SPTA1: variants seen among roughly 807,000 people sequenced by gnomAD.
SPTA1 encodes spectrin alpha chain, erythrocytic 1.
A neutral mutation model predicts 324.7 loss-of-function variants in SPTA1; 177 were observed. The observed-to-expected ratio is 0.55, with a 90% confidence interval of 0.48 to 0.62. The LOEUF is 0.62. SPTA1 is among the 20% of genes least tolerant of loss of function. The pLI is 0.00. For missense variants in SPTA1, 3,162 were observed against 2,883.6 expected (o/e 1.10, Z -2.21); for synonymous variants, 1,195 against 1,041.3 (o/e 1.15, Z -2.84).
intron 10 of SPTA1, 97 bp from the exon 11 acceptor site, chr1:158,672,293 CA>C: frequency 1.5e-6 from 2 of 1,302,556 alleles, no homozygotes; most frequent in Non-Finnish European, 2.1e-6. Flanking sequence ...TTTAAGGATA[CA>C]AAAATAAACA....
chr1:158,653,226 A>G, intron 22 of SPTA1, 48 bp downstream of exon 22: 1 of 1,613,736 alleles, frequency 6.2e-7, no homozygotes, highest in Non-Finnish European at 8.5e-7. Flanking sequence ...CCTTTGGCGA[A>G]AAATGTCTGA....
In SPTA1 at chr1:158,651,478, AAAATTCATCCAAAGCAGTGT is replaced by A. The variant is rs770265296; in HGVS notation, c.3376-30_3376-11del. ...CATTGGTATTCAAATCCTGAATGGG[AAAATTCATCCAAAGCAGTGT>A]AAATTCATCCAAAGCAGTGTAAATC... On this transcript the variant is annotated splice_polypyrimidine_tract_variant and intron_variant, in intron 23 of 51. Transcript: ENST00000643759. The A allele has an allele frequency of 3.6e-5, 57 of 1,573,028 alleles. No individual in the cohort carries two copies. In the South Asian group the frequency reaches 3.9e-4, roughly 11 times the overall value.
chr1:158,613,572 A>T (rs1649381822), intron 50 of SPTA1, 149 bp downstream of exon 50: 1 of 1,103,928 alleles, frequency 9.1e-7, no homozygotes, highest in Non-Finnish European at 1.3e-6. Context: ...TTGAAAGGGC[A>T]CCAAGAGCTG....
chr1:158,661,193 T>C (rs1653180026), intron 18 of SPTA1, 94 bp downstream of exon 18: 1 of 1,594,248 alleles, frequency 6.3e-7, no homozygotes, highest in Non-Finnish European at 8.6e-7. Context: ...GTCAGATATT[T>C]TTAAATTCCC....
At position 158,667,902 on chromosome 1, in the gene SPTA1, A is replaced by T; in HGVS notation, c.1994T>A (p.Val665Asp). The part of the protein sequence containing the change: ...SDNVTTRLSE[V>D]ASLWEELLEA... ...CAGCAACTCCTCCCAGAGGCTGGCAACTTCACTCAGACGAGTGGTCACATT... is the reference window on the plus strand; with the variant it reads ...CAGCAACTCCTCCCAGAGGCTGGCATCTTCACTCAGACGAGTGGTCACATT... Residue 665 changes from valine to aspartate, a missense_variant, in exon 15 of 52, where the codon GTT becomes GAT. Val to Asp is a radical substitution (Grantham distance 152). Transcript: ENST00000643759. 6.2e-7 allele frequency: 1 copy of T among 1,614,024 alleles called. No individual in the cohort carries two copies. The highest frequency in any genetic ancestry group is 8.5e-7 in the Non-Finnish European group (1 of 1,179,972).
rs80164405 is a variant in SPTA1 at position 158,628,634 on chromosome 1, C to G, written c.5566-911G>C. Among the ~76,000 whole-genome samples the G allele has an allele frequency of 8.5e-3, 1,296 of 152,112 alleles. 14 individuals carry two copies. Among genetic ancestry groups the G allele is most frequent in the African/African-American group, 0.03 (1,234 of 41,506 alleles). ...TGGAAAGGTGATTGACTTTGTATGACTGAAAGCCTGAATGAATCATATTTT... is the reference window on the plus strand; with the variant it reads ...TGGAAAGGTGATTGACTTTGTATGAGTGAAAGCCTGAATGAATCATATTTT... On this transcript the variant is annotated intron_variant, in intron 39 of 51. Coordinates refer to ENST00000643759, the MANE Select transcript of SPTA1 (RefSeq NM_003126.4).
chr1:158,651,994 T>C (rs897317686), intron 23 of SPTA1, among the ~76,000 whole-genome samples: 4 of 151,868 alleles, frequency 2.6e-5, no homozygotes, highest in Non-Finnish European at 5.9e-5. Context: ...GTACACTCAC[T>C]GCTAGTTAAG....
At chr1:158,616,151 G>A (rs1284854821) in intron 47 of SPTA1, among the ~76,000 whole-genome samples, 1 of 151,914 alleles carries the variant, frequency 6.6e-6, no homozygotes, top group Non-Finnish European at 1.5e-5. Context: ...ATACTTCAGG[G>A]TATACAAGAC....
In SPTA1 at chr1:158,611,206, C is replaced by A; in HGVS notation, c.*58G>T. The A allele has an allele frequency of 6.3e-7, 1 of 1,598,600 alleles. No homozygotes were observed. Among genetic ancestry groups the A allele is most frequent in the Non-Finnish European group, 8.6e-7 (1 of 1,169,508 alleles). On this transcript the variant is annotated 3_prime_UTR_variant, in exon 52 of 52. Transcript: ENST00000643759. ...CTTCCACATTTGCCTGTACTCTTTG[C>A]CCCCCAGTAAATTTCCCACGACACT... is the stretch of plus-strand genomic sequence containing the variant.
At position 158,669,690 on chromosome 1, in the gene SPTA1, T is replaced by C. The variant is rs1351922097; in HGVS notation, c.1677+19A>G. On this transcript the variant is annotated intron_variant, in intron 13 of 51. Transcript: ENST00000643759. ...TTCTAGTGTGTAGGCACACAGAAGC[T>C]CTAGGCCCTTGGACATACCCCGTCA... The C allele has an allele frequency of 6.2e-7, 1 of 1,614,090 alleles. No individual in the cohort carries two copies. The highest frequency in any genetic ancestry group is 1.7e-5 in the Admixed American group (1 of 60,020).
intron 48 of SPTA1, chr1:158,614,556 A>G (rs1649445464): frequency 4.7e-6 from 2 of 425,584 alleles, no homozygotes; most frequent in Non-Finnish European, 8.3e-6. Context: ...TTTTTGAAAC[A>G]TGAAAATTAC....
rs1403001681 is a variant in SPTA1, at chr1:158,645,504, C to G, written c.3987G>C (p.Glu1329Asp). The change falls in exon 28 of 52, where the codon GAG becomes GAC. Residue 1329 changes from glutamate (E) to aspartate (D), a missense_variant. By Grantham distance (45) the Glu-to-Asp change is conservative. Transcript: ENST00000643759. Reference sequence around the variant, plus strand: ...ACTTTTGTAGTTTTACCTGATGTCTCTCCAGCAAGATCTCTATGCCAGTTA... The same window carrying G: ...ACTTTTGTAGTTTTACCTGATGTCTGTCCAGCAAGATCTCTATGCCAGTTA... ...EDLTGIEILLERHQEHRADME... is the reference protein window; with the variant it reads ...EDLTGIEILLDRHQEHRADME... The G allele has an allele frequency of 6.2e-7, 1 of 1,613,880 alleles. No homozygotes were observed. The highest frequency in any genetic ancestry group is 8.5e-7 in the Non-Finnish European group (1 of 1,179,942).
chr1:158,658,259 T>A (rs2101880687), intron 18 of SPTA1, among the ~76,000 whole-genome samples: 1 of 152,246 alleles, frequency 6.6e-6, no homozygotes, highest in African/African-American at 2.4e-5. Context: ...TCACACTGAA[T>A]TGAGGACACA....
In SPTA1 at chr1:158,621,248, AT is replaced by A. The variant is rs571075501; in HGVS notation, c.6121-783del. On this transcript the variant is annotated intron_variant, in intron 43 of 51. Coordinates refer to ENST00000643759, the MANE Select transcript of SPTA1 (RefSeq NM_003126.4). ...CTTTTATACTTAAAATACATTACAG[AT>A]TTTGGGTCAGCAGATAGTACTTCTA... is the stretch of plus-strand genomic sequence containing the variant. 2.3e-3 allele frequency among the ~76,000 whole-genome samples: 346 copies of A among 152,318 alleles called. 1 individual carries two copies. Among genetic ancestry groups the A allele is most frequent in the African/African-American group, 8.0e-3 (333 of 41,562 alleles).
chr1:158,615,172 C>G, intron 48 of SPTA1, 44 bp downstream of exon 48: 1 of 1,610,778 alleles, frequency 6.2e-7, no homozygotes, highest in Non-Finnish European at 8.5e-7. Context: ...TAACACCTAA[C>G]ACCACCTGCA....
At chr1:158,624,084 A>G (rs1001207559) in intron 42 of SPTA1, among the ~76,000 whole-genome samples, 1 of 151,002 alleles carries the variant, frequency 6.6e-6, no homozygotes, top group Non-Finnish European at 1.5e-5. Context: ...GGAGCTTTGT[A>G]GATTTCAGAG....
In SPTA1 at chr1:158,661,415, G is replaced by A. The variant is rs374279591; in HGVS notation, c.2465-6C>T. On this transcript the variant is annotated splice_region_variant and splice_polypyrimidine_tract_variant and intron_variant, in intron 17 of 51. Transcript: ENST00000643759. Reference sequence around the variant, plus strand: ...GGAAGCAATCAGGTCCTTTCCTGCAGAGGAAAGGAATTTCAAAGTTTCGGA... The same window carrying A: ...GGAAGCAATCAGGTCCTTTCCTGCAAAGGAAAGGAATTTCAAAGTTTCGGA... 2.2e-5 allele frequency: 35 copies of A among 1,613,788 alleles called. No homozygotes were observed. In the Middle Eastern group the frequency reaches 5.0e-4, roughly 23 times the overall value.
At chr1:158,614,496 C>G (rs1649442128) in intron 48 of SPTA1, 190 bp from the exon 49 acceptor site, 1 of 521,496 alleles carries the variant, frequency 1.9e-6, no homozygotes, top group African/African-American at 1.9e-5. Flanking sequence ...GTCCATGAGC[C>G]AAGAGTAGAT....
At chr1:158,632,217 T>C (rs1470588083) in intron 39 of SPTA1, among the ~76,000 whole-genome samples, 1 of 152,184 alleles carries the variant, frequency 6.6e-6, no homozygotes, top group Non-Finnish European at 1.5e-5. Context: ...GCTACATGAT[T>C]CCACCTATAT....
Sources: allele counts gnomAD v4.1 joint callset (sites outside exome capture counted in the v4.1 genomes callset), GRCh38; gene constraint gnomAD v4.1.1; transcripts MANE v1.5; gene names NCBI Gene and HGNC (gene_info 2026-07-23, HGNC 2026-07-21).